MAGI2: variants seen among roughly 807,000 people sequenced by gnomAD.
MAGI2 encodes the protein membrane-associated guanylate kinase, WW and PDZ domain-containing protein 2.
A neutral mutation model predicts 133.3 loss-of-function variants in MAGI2; 35 were observed. The ratio of observed to expected loss-of-function variants is 0.26; its 90% CI spans 0.20 to 0.35. MAGI2 has a LOEUF of 0.35. Among genes scored for constraint, MAGI2 ranks in the 10% least tolerant of loss-of-function variants. The pLI is 1.00. For synonymous variants in MAGI2, 729 were observed against 710.6 expected, an observed-to-expected ratio of 1.03 and a Z score of -0.41; for missense variants, 1,636 against 1,863.4, an observed-to-expected ratio of 0.88 and a Z score of 2.25.
At chr7:78,278,868 T>C (rs75992270) in intron 9 of MAGI2, among the ~76,000 whole-genome samples, 2,946 of 152,300 alleles carry the variant, frequency 0.019, 98 homozygotes, top group African/African-American at 0.067. Context: ...CTGGTTTTGT[T>C]TCTCTGGAGA....
At chr7:79,235,789 T>G (rs1585284591) in intron 1 of MAGI2, among the ~76,000 whole-genome samples, 1 of 152,358 alleles carries the variant, frequency 6.6e-6, no homozygotes, top group South Asian at 2.1e-4. Context: ...AGACCGGAGC[T>G]GTTCCTATTC....
intron 1 of MAGI2, among the ~76,000 whole-genome samples, chr7:79,098,263 A>T (rs183307306): frequency 2.6e-4 from 40 of 152,284 alleles, no homozygotes; most frequent in Admixed American, 1.0e-3. Flanking sequence ...TGGGGAAAGG[A>T]GCCAGTTTTC....
rs894416354 is a variant in MAGI2 at position 78,513,811 on chromosome 7, G to A, written c.754+7619C>T. On this transcript the variant is annotated intron_variant, in intron 4 of 21. Transcript: ENST00000354212. ...ATCTGTTTAAGAAATGAAGAGGGCCGGGTGCGGTGGCTCACGTCTGTAATC... is the reference window on the plus strand; with the variant it reads ...ATCTGTTTAAGAAATGAAGAGGGCCAGGTGCGGTGGCTCACGTCTGTAATC... Among the ~76,000 whole-genome samples the A allele has an allele frequency of 4.6e-5, 7 of 152,194 alleles. No individual in the cohort carries two copies. The South Asian group carries it at 1.0e-3, about 23-fold the overall frequency.
chr7:78,846,249 T>C (rs1209715314), intron 2 of MAGI2, among the ~76,000 whole-genome samples: 1 of 151,878 alleles, frequency 6.6e-6, no homozygotes, highest in East Asian at 1.9e-4. Flanking sequence ...AAGAAAAGAA[T>C]TGGAGATAAG....
intron 2 of MAGI2, among the ~76,000 whole-genome samples, chr7:78,666,452 C>T (rs551075636): frequency 6.6e-6 from 1 of 152,186 alleles, no homozygotes; most frequent in African/African-American, 2.4e-5. Flanking sequence ...GTTGTTTTCT[C>T]TTGAGACCTG....
chr7:78,852,956 C>T (rs62467666), intron 2 of MAGI2, among the ~76,000 whole-genome samples: 5,942 of 152,190 alleles, frequency 0.039, 184 homozygotes, highest in Non-Finnish European at 0.061. Flanking sequence ...ATCTTCAATA[C>T]AAAGTTGCTG....
At chr7:78,497,093 A>G (rs939016453) in intron 5 of MAGI2, among the ~76,000 whole-genome samples, 11 of 152,116 alleles carry the variant, frequency 7.2e-5, no homozygotes, top group South Asian at 2.1e-4. Flanking sequence ...ATATGTAATA[A>G]CTCATTTGAA....
At chr7:78,505,641 T>C (rs1046400674) in intron 4 of MAGI2, among the ~76,000 whole-genome samples, 2 of 152,204 alleles carry the variant, frequency 1.3e-5, no homozygotes, top group Non-Finnish European at 2.9e-5. Flanking sequence ...ACTCAACTGG[T>C]GCCAGACACT....
intron 2 of MAGI2, among the ~76,000 whole-genome samples, chr7:78,798,795 T>A (rs1045941839): frequency 2.6e-5 from 4 of 152,176 alleles, no homozygotes; most frequent in African/African-American, 9.7e-5. Context: ...CATGCTGAGC[T>A]CAAGTTGCTC....
At position 78,572,693 on chromosome 7, in the gene MAGI2, G is replaced by A. The variant is rs557185700; in HGVS notation, c.539-51048C>T. Among the ~76,000 whole-genome samples, 118 of 151,406 alleles carry A rather than the reference G, an allele frequency of 7.8e-4. No individual in the cohort carries two copies. In the East Asian group the frequency reaches 0.018, roughly 22 times the overall value. On this transcript the variant is annotated intron_variant, in intron 3 of 21. Transcript: ENST00000354212. ...TTATTTATTTTTGAGACAGAGTTTC[G>A]CTCTTGTTGCCCAGGCTGGAGTGCC...
intron 2 of MAGI2, among the ~76,000 whole-genome samples, chr7:78,675,211 A>G (rs565764629): frequency 1.3e-4 from 19 of 151,954 alleles, no homozygotes; most frequent in Non-Finnish European, 2.6e-4. Context: ...AGATCCAGGG[A>G]TCTCTTCATG....
chr7:79,077,277 G>A (rs1192040629), intron 1 of MAGI2, among the ~76,000 whole-genome samples: 1 of 151,760 alleles, frequency 6.6e-6, no homozygotes, highest in Non-Finnish European at 1.5e-5. Context: ...CCCTTTTTTG[G>A]GCCGGCGCGG....
intron 9 of MAGI2, among the ~76,000 whole-genome samples, chr7:78,342,249 A>C (rs1050198995): frequency 6.6e-6 from 1 of 152,236 alleles, no homozygotes; most frequent in African/African-American, 2.4e-5. Context: ...TCAAAACCAC[A>C]ATGAGATACC....
intron 1 of MAGI2, among the ~76,000 whole-genome samples, chr7:79,377,506 T>C (rs1843459210): frequency 6.6e-6 from 1 of 151,826 alleles, no homozygotes; most frequent in Non-Finnish European, 1.5e-5. Context: ...TATTAAAATA[T>C]TGGCAATGAA....
At chr7:79,028,136 C>T (rs546472141) in intron 1 of MAGI2, among the ~76,000 whole-genome samples, 3 of 150,126 alleles carry the variant, frequency 2.0e-5, no homozygotes, top group South Asian at 2.1e-4. Context: ...CGCTTGAACC[C>T]GGGATGCGGA....
chr7:78,561,710 G>T (rs1800423177), intron 3 of MAGI2, among the ~76,000 whole-genome samples: 1 of 152,302 alleles, frequency 6.6e-6, no homozygotes, highest in South Asian at 2.1e-4. Context: ...ACCCTCAGGG[G>T]TTGGGCAGAT....
At chr7:79,396,283 C>T (rs1392345854) in intron 1 of MAGI2, among the ~76,000 whole-genome samples, 1 of 152,080 alleles carries the variant, frequency 6.6e-6, no homozygotes, top group Non-Finnish European at 1.5e-5. Context: ...TTCTCTTTTT[C>T]CTTTCACCTG....
At chr7:78,156,718 G>A (rs991086864) in intron 16 of MAGI2, among the ~76,000 whole-genome samples, 4 of 151,398 alleles carry the variant, frequency 2.6e-5, no homozygotes, top group Non-Finnish European at 5.9e-5. Context: ...CACCTGGGCT[G>A]TTAACCATGC....
intron 1 of MAGI2, among the ~76,000 whole-genome samples, chr7:79,321,858 G>A (rs143336577): frequency 6.6e-4 from 100 of 152,258 alleles, no homozygotes; most frequent in Non-Finnish European, 4.7e-4. Flanking sequence ...ACTATTGTTG[G>A]AAATAGTGTG....
Sources: gnomAD v4.1 joint callset for allele counts (sites outside exome capture counted in the v4.1 genomes callset) on GRCh38, gnomAD v4.1.1 for gene constraint, MANE v1.5 for transcripts, NCBI Gene and HGNC (gene_info 2026-07-23, HGNC 2026-07-21) for gene names.